Variants in PDE1A observed in about 807,000 individuals in gnomAD.
The protein encoded by PDE1A is dual specificity calcium/calmodulin-dependent 3',5'-cyclic nucleotide phosphodiesterase 1A.
PDE1A carries 35 observed loss-of-function variants against 61.7 expected under a neutral mutation model. That is an observed-to-expected ratio of 0.57 (90% CI 0.43 to 0.75). The LOEUF is 0.75. Among genes scored for constraint, PDE1A ranks in the 30% least tolerant of loss-of-function variants. PDE1A has a pLI of 0.00. For synonymous variants in PDE1A, 232 were observed against 213.2 expected, an observed-to-expected ratio of 1.09 and a Z score of -0.77; for missense variants, 597 against 630.6, an observed-to-expected ratio of 0.95 and a Z score of 0.57.
chr2:182,613,719 A>T, the PDE1A span, among the ~76,000 whole-genome samples: 9 of 152,344 alleles, frequency 5.9e-5, no homozygotes, highest in South Asian at 1.9e-3. Context: ...TATGGTTTCA[A>T]ATCCTAACTT....
chr2:182,303,709 CA>C (rs1221041201), intron 1 of PDE1A, among the ~76,000 whole-genome samples: 1 of 152,128 alleles, frequency 6.6e-6, no homozygotes, highest in African/African-American at 2.4e-5. Flanking sequence ...TCCTATTTAG[CA>C]ATGAAAGTAC....
chr2:182,184,294 A>T (rs1272102857), intron 13 of PDE1A, among the ~76,000 whole-genome samples: 1 of 152,108 alleles, frequency 6.6e-6, no homozygotes, highest in African/African-American at 2.4e-5. Context: ...ATCATCATCA[A>T]ATTGCTGAAA....
chr2:182,310,911 T>C (rs1695924150), intron 1 of PDE1A, among the ~76,000 whole-genome samples: 1 of 152,218 alleles, frequency 6.6e-6, no homozygotes. Flanking sequence ...ACTCAACTTT[T>C]ATGCCTGTCC....
intron 1 of PDE1A, among the ~76,000 whole-genome samples, chr2:182,390,504 G>T (rs967727279): frequency 4.6e-5 from 7 of 152,176 alleles, no homozygotes; most frequent in African/African-American, 1.7e-4. Context: ...ACTGGATAAA[G>T]TGACGAAAGA....
intron 1 of PDE1A, among the ~76,000 whole-genome samples, chr2:182,373,798 A>G (rs542218162): frequency 1.3e-5 from 2 of 152,190 alleles, no homozygotes; most frequent in Non-Finnish European, 2.9e-5. Flanking sequence ...TTAAAAATAC[A>G]TGTAACAAGA....
chr2:182,659,172 C>T, the PDE1A span, among the ~76,000 whole-genome samples: 1 of 152,170 alleles, frequency 6.6e-6, no homozygotes, highest in East Asian at 1.9e-4. Context: ...AGAATGTCTT[C>T]ATCAATCTCC....
At chr2:182,601,922 A>G in the PDE1A span, among the ~76,000 whole-genome samples, 2 of 152,202 alleles carry the variant, frequency 1.3e-5, no homozygotes, top group African/African-American at 4.8e-5. Flanking sequence ...GGGTGGGCCC[A>G]GAGAAAGCAC....
the PDE1A span, among the ~76,000 whole-genome samples, chr2:182,709,185 T>C: frequency 6.6e-6 from 1 of 151,732 alleles, no homozygotes; most frequent in Non-Finnish European, 1.5e-5. Context: ...AAAAAAAAAA[T>C]TTAGAAAAAC....
the PDE1A span, among the ~76,000 whole-genome samples, chr2:182,668,790 T>C: frequency 6.6e-6 from 1 of 152,204 alleles, no homozygotes; most frequent in Non-Finnish European, 1.5e-5. Context: ...CTCCCCACTG[T>C]CTGCCTGCAA....
At chr2:182,292,640 A>G (rs1574270238) in intron 1 of PDE1A, among the ~76,000 whole-genome samples, 1 of 152,150 alleles carries the variant, frequency 6.6e-6, no homozygotes, top group East Asian at 1.9e-4. Context: ...TTTATTTTTT[A>G]TAATATCATA....
intron 2 of PDE1A, among the ~76,000 whole-genome samples, chr2:182,455,838 A>G: frequency 6.6e-6 from 1 of 151,998 alleles, no homozygotes; most frequent in East Asian, 1.9e-4. Flanking sequence ...GCACACCAAC[A>G]TGGCACATGT....
the PDE1A span, among the ~76,000 whole-genome samples, chr2:182,544,318 TA>T: frequency 3.3e-5 from 5 of 152,154 alleles, no homozygotes; most frequent in Non-Finnish European, 7.4e-5. Flanking sequence ...GTAATTGAAG[TA>T]AAATACAGCT....
intron 2 of PDE1A, among the ~76,000 whole-genome samples, chr2:182,515,288 C>A (rs370115907): frequency 6.6e-6 from 1 of 152,208 alleles, no homozygotes; most frequent in Non-Finnish European, 1.5e-5. Flanking sequence ...TCTACAGGAA[C>A]AGTAGCTTCT....
chr2:182,172,669 A>G (rs1692341400), intron 13 of PDE1A, among the ~76,000 whole-genome samples: 1 of 152,070 alleles, frequency 6.6e-6, no homozygotes, highest in Non-Finnish European at 1.5e-5. Context: ...GTCTAACTAC[A>G]CTACAGTATG....
chr2:182,626,018 T>A, the PDE1A span, among the ~76,000 whole-genome samples: 1 of 152,158 alleles, frequency 6.6e-6, no homozygotes, highest in East Asian at 1.9e-4. Context: ...CACCTCAGAA[T>A]GGTAACGCTG....
chr2:182,481,019 T>A (rs1489890273), intron 2 of PDE1A, among the ~76,000 whole-genome samples: 1 of 151,886 alleles, frequency 6.6e-6, no homozygotes, highest in Non-Finnish European at 1.5e-5. Context: ...AGAAGACTGC[T>A]CCTTCCATTC....
the PDE1A span, among the ~76,000 whole-genome samples, chr2:182,558,408 A>G: frequency 6.6e-6 from 1 of 152,158 alleles, no homozygotes; most frequent in Non-Finnish European, 1.5e-5. Flanking sequence ...TGGCTACTCC[A>G]TATCTCTATT....
intron 1 of PDE1A, among the ~76,000 whole-genome samples, chr2:182,377,723 A>C (rs1700493826): frequency 6.6e-6 from 1 of 152,194 alleles, no homozygotes; most frequent in Non-Finnish European, 1.5e-5. Flanking sequence ...CCACAAAAAG[A>C]CTTGTACAAA....
chr2:182,458,885 C>T (rs113790015), intron 2 of PDE1A, among the ~76,000 whole-genome samples: 1 of 152,046 alleles, frequency 6.6e-6, no homozygotes, highest in Non-Finnish European at 1.5e-5. Context: ...GATAACTGTG[C>T]CAATCCACTC....
Sources: allele counts gnomAD v4.1 joint callset (sites outside exome capture counted in the v4.1 genomes callset), GRCh38; gene constraint gnomAD v4.1.1; transcripts MANE v1.5; gene names NCBI Gene and HGNC (gene_info 2026-07-23, HGNC 2026-07-21).